The following FOXN2 variants were observed in gnomAD, a reference collection of about 807,000 sequenced individuals.
FOXN2 encodes forkhead box protein N2.
FOXN2 carries 19 observed loss-of-function variants against 41.2 expected under a neutral mutation model. The ratio of observed to expected loss-of-function variants is 0.46; its 90% confidence interval spans 0.32 to 0.68. The LOEUF is 0.68. Among genes scored for constraint, FOXN2 ranks in the 30% least tolerant of loss-of-function variants. The pLI, the probability that FOXN2 is intolerant of heterozygous loss-of-function variation, is 0.03. For missense variants in FOXN2, 587 were observed against 509.4 expected (o/e 1.15, Z -1.47); for synonymous variants, 195 against 176.8 (o/e 1.10, Z -0.82).
Position 48,359,040 on chromosome 2 carries a change from A to T in FOXN2, c.538-7A>T, listed in dbSNP as rs755874070. 1.2e-6 allele frequency: 2 copies of T among 1,605,128 alleles called. No homozygotes were observed. Among genetic ancestry groups the T allele is most frequent in the Middle Eastern group, 1.7e-4 (1 of 6,014 alleles). Reference sequence around the variant, plus strand: ...GTTCCTAGTTATTCTTGTGCATTTTATTCTAGGTTAATGGAAAAGGTTCCT... The same window carrying T: ...GTTCCTAGTTATTCTTGTGCATTTTTTTCTAGGTTAATGGAAAAGGTTCCT... On this transcript the variant is annotated splice_region_variant and splice_polypyrimidine_tract_variant and intron_variant, in intron 3 of 6. Coordinates refer to ENST00000340553, the MANE Select transcript of FOXN2 (RefSeq NM_002158.4).
At chr2:48,337,275 G>A (rs545791156) in intron 2 of FOXN2, among the ~76,000 whole-genome samples, 21 of 150,560 alleles carry the variant, frequency 1.4e-4, no homozygotes, top group African/African-American at 5.1e-4. Flanking sequence ...CCATGTTGTT[G>A]CATATGATTG....
chr2:48,375,328 A>G lies in FOXN2; in HGVS notation c.1181A>G (p.Asp394Gly). Residue 394 changes from aspartate (D) to glycine (G), a missense_variant, in exon 7 of 7, where the codon GAT becomes GGT. Coordinates refer to ENST00000340553, the MANE Select transcript of FOXN2 (RefSeq NM_002158.4). ...KMRKQTCQEIDEELKEAAGSL... is the reference protein window; with the variant it reads ...KMRKQTCQEIGEELKEAAGSL... ...CGAAAACAGACATGTCAAGAAATTG[A>G]TGAGGAGCTCAAAGAGGCAGCTGGA... 1 of 1,613,814 alleles carries G rather than the reference A, an allele frequency of 6.2e-7. No individual in the cohort carries two copies. Among genetic ancestry groups the G allele is most frequent in the Non-Finnish European group, 8.5e-7 (1 of 1,179,912 alleles).
chr2:48,317,737 A>G (rs1669024342), intron 1 of FOXN2, among the ~76,000 whole-genome samples: 1 of 148,056 alleles, frequency 6.8e-6, no homozygotes, highest in East Asian at 2.1e-4. Context: ...CCTCTGGAGT[A>G]GCTGGGGTTA....
At chr2:48,329,742 G>A (rs1317594525) in intron 2 of FOXN2, among the ~76,000 whole-genome samples, 1 of 151,852 alleles carries the variant, frequency 6.6e-6, no homozygotes, top group Non-Finnish European at 1.5e-5. Context: ...GATTTTATGG[G>A]GATAGACATT....
At chr2:48,347,220 C>CTTTTTTTTTTTTTTTTT (rs751958598) in intron 3 of FOXN2, among the ~76,000 whole-genome samples, 2 of 75,738 alleles carry the variant, frequency 2.6e-5, no homozygotes, top group Non-Finnish European at 4.8e-5. Context: ...TGTTTTGGTG[C>CTTTTTTTTTTTTTTTTT]TTTTTTTTTT....
chr2:48,352,585 C>T (rs180803246), intron 3 of FOXN2, among the ~76,000 whole-genome samples: 219 of 152,278 alleles, frequency 1.4e-3, no homozygotes, highest in African/African-American at 5.0e-3. Context: ...AAAGCCCAGA[C>T]GTAAATTTGC....
rs1226587454 is a variant in FOXN2 at position 48,375,716 on chromosome 2, C to T, written c.*273C>T. The T allele has an allele frequency of 7.0e-6, 2 of 285,344 alleles. No individual in the cohort carries two copies. The highest frequency in any genetic ancestry group is 1.3e-5 in the Non-Finnish European group (2 of 151,970). The allele number at this position is 285,344 out of a possible 1,614,324, so 17.7% of individuals were successfully genotyped here. On this transcript the variant is annotated 3_prime_UTR_variant, in exon 7 of 7. Transcript: ENST00000340553. The stretch of plus-strand genomic sequence containing the variant: ...ATTTTTATATAAGAAAATCCCCAGC[C>T]TCTGTCTTAAACTTGTGGGACAAAA...
chr2:48,363,752 C>T (rs904266626), intron 5 of FOXN2, among the ~76,000 whole-genome samples: 1 of 152,168 alleles, frequency 6.6e-6, no homozygotes, highest in African/African-American at 2.4e-5. Context: ...CTATAGTATT[C>T]AGTACAGTAA....
chr2:48,349,262 G>C (rs1472758641), intron 3 of FOXN2, among the ~76,000 whole-genome samples: 2 of 152,144 alleles, frequency 1.3e-5, no homozygotes, highest in Admixed American at 1.3e-4. Flanking sequence ...GAGACAGGTG[G>C]ATCGCTTGAG....
At chr2:48,367,008 T>G (rs1672577129) in intron 5 of FOXN2, among the ~76,000 whole-genome samples, 1 of 152,182 alleles carries the variant, frequency 6.6e-6, no homozygotes, top group Admixed American at 6.6e-5. Context: ...AGAGCTACCT[T>G]TAGACACGGA....
intron 5 of FOXN2, among the ~76,000 whole-genome samples, chr2:48,365,248 G>T (rs1672458224): frequency 6.6e-6 from 1 of 152,130 alleles, no homozygotes; most frequent in Admixed American, 6.5e-5. Flanking sequence ...AAGTTCTAGA[G>T]AACCCTGCAA....
chr2:48,329,715 C>T (rs1669910137), intron 2 of FOXN2, among the ~76,000 whole-genome samples: 1 of 152,108 alleles, frequency 6.6e-6, no homozygotes, highest in Non-Finnish European at 1.5e-5. Context: ...TGATTTTACC[C>T]TCTAATCTCA....
At chr2:48,351,576 C>G (rs1671450347) in intron 3 of FOXN2, among the ~76,000 whole-genome samples, 1 of 152,150 alleles carries the variant, frequency 6.6e-6, no homozygotes. Flanking sequence ...TGGGATGAAA[C>G]TGTTCCACCT....
At chr2:48,366,818 A>T (rs1044129710) in intron 5 of FOXN2, among the ~76,000 whole-genome samples, 5 of 151,916 alleles carry the variant, frequency 3.3e-5, no homozygotes, top group African/African-American at 1.2e-4. Flanking sequence ...CTAATTTCAA[A>T]GCCTGACTCC....
intron 3 of FOXN2, among the ~76,000 whole-genome samples, chr2:48,352,971 A>G (rs1572747718): frequency 6.6e-6 from 1 of 152,142 alleles, no homozygotes; most frequent in East Asian, 1.9e-4. Flanking sequence ...GCCTTAGTTC[A>G]GGTCTTCCCC....
intron 1 of FOXN2, among the ~76,000 whole-genome samples, chr2:48,319,797 T>G (rs1237286192): frequency 1.4e-5 from 2 of 144,088 alleles, no homozygotes; most frequent in South Asian, 4.5e-4. Flanking sequence ...TTTTTTTTTT[T>G]TTTTTTTTTT....
chr2:48,359,823 C>G (rs1672057320), intron 4 of FOXN2, among the ~76,000 whole-genome samples: 1 of 151,958 alleles, frequency 6.6e-6, no homozygotes, highest in African/African-American at 2.4e-5. Flanking sequence ...TTTTAATTGT[C>G]TGCAATACTA....
In FOXN2 at chr2:48,377,047, A is replaced by T. The variant is rs543244091; in HGVS notation, c.*1604A>T. The T allele has an allele frequency of 2.1e-4, 32 of 152,004 alleles. No homozygotes were observed. Among genetic ancestry groups the T allele is most frequent in the African/African-American group, 7.5e-4 (31 of 41,446 alleles). 9.4% of individuals were successfully genotyped at this position (152,004 alleles called of 1,614,324 possible). On this transcript the variant is annotated 3_prime_UTR_variant, in exon 7 of 7. Coordinates refer to ENST00000340553, the MANE Select transcript of FOXN2 (RefSeq NM_002158.4). ...AATGATTTTAAAAACTTTTTTTTCA[A>T]TTGACAAGACTTTAAGTCAGGGATA...
chr2:48,340,666 T>G lies in FOXN2; in HGVS notation c.-14-5535T>G, dbSNP rs150169333. ...TTTATTTTTATTCATTTTTCTTATT[T>G]TATTTATTTATTTATTGATGTCTCC... On this transcript the variant is annotated intron_variant, in intron 2 of 6. Transcript: ENST00000340553. 755 of 152,290 alleles carry G rather than the reference T, an allele frequency of 5.0e-3. 7 individuals are homozygous for G. The highest frequency in any genetic ancestry group is 0.017 in the African/African-American group (702 of 41,562). The allele number at this position is 152,290 out of a possible 1,614,324, so 9.4% of individuals were successfully genotyped here. A position where few individuals can be genotyped will look rare whatever the true frequency, so the allele number is the denominator to read the frequency against.
Sources: gnomAD v4.1 joint callset for allele counts (sites outside exome capture counted in the v4.1 genomes callset) on GRCh38, gnomAD v4.1.1 for gene constraint, MANE v1.5 for transcripts, NCBI Gene and HGNC (gene_info 2026-07-23, HGNC 2026-07-21) for gene names.